Variants in ADH5 observed in about 807,000 individuals in gnomAD.
The protein encoded by ADH5 is alcohol dehydrogenase class-3.
A neutral mutation model predicts 40.3 loss-of-function variants in ADH5; 32 were observed. The ratio of observed to expected loss-of-function variants is 0.79; its 90% confidence interval spans 0.60 to 1.07. The LOEUF (loss-of-function observed/expected upper bound fraction) is 1.07, where lower values mean the gene tolerates loss of function less well. Ranked by LOEUF, ADH5 falls within the 50% of genes least tolerant of loss-of-function variation. The pLI, the probability that ADH5 is intolerant of heterozygous loss-of-function variation, is 0.00. For synonymous variants in ADH5, 125 were observed against 154.3 expected (o/e 0.81, Z 1.41); for missense variants, 353 against 460.5 (o/e 0.77, Z 2.14).
chr4:99,076,497 A>T lies in ADH5; in HGVS notation c.620T>A (p.Val207Asp). ...ACCAGCCACTTTACAGCCCATGATA[A>T]CTGCCAATCCGACTCCTCCCAGACC... Reference protein sequence around the residue: ...VFGLGGVGLAVIMGCKVAGAS... With the variant: ...VFGLGGVGLADIMGCKVAGAS... Residue 207 changes from valine to aspartate, a missense_variant, in exon 6 of 9, where the codon GTT becomes GAT. Coordinates refer to ENST00000296412, the MANE Select transcript of ADH5 (RefSeq NM_000671.4). 2 of 1,614,182 alleles carry T rather than the reference A, an allele frequency of 1.2e-6. No homozygotes were observed. The highest frequency in any genetic ancestry group is 1.7e-6 in the Non-Finnish European group (2 of 1,180,000).
At chr4:99,077,585 C>T (rs13118409) in intron 4 of ADH5, among the ~76,000 whole-genome samples, 1 of 152,120 alleles carries the variant, frequency 6.6e-6, no homozygotes, top group Admixed American at 6.5e-5. Context: ...GTAGAGATTA[C>T]AAACCATTAA....
Position 99,076,391 on chromosome 4 carries a change from G to T in ADH5, c.726C>A (p.Asn242Lys), listed in dbSNP as rs765232869. ...AKEFGATECINPQDFSKPIQE... is the reference protein window; with the variant it reads ...AKEFGATECIKPQDFSKPIQE... ...GGATGGGTTTACTAAAATCCTGAGG[G>T]TTAATACATTCAGTGGCTCCAAACT... The change falls in exon 6 of 9, where the codon AAC (asparagine) becomes AAA (lysine). Residue 242 changes from asparagine to lysine, a missense_variant. Asn to Lys is a moderately conservative substitution (Grantham distance 94, BLOSUM62 0). Transcript: ENST00000296412. The T allele has an allele frequency of 6.2e-7, 1 of 1,614,126 alleles. No homozygotes were observed. Among genetic ancestry groups the T allele is most frequent in the South Asian group, 1.1e-5 (1 of 91,078 alleles).
At chr4:99,085,477 C>T (rs1053806194) in intron 1 of ADH5, 6 of 347,426 alleles carry the variant, frequency 1.7e-5, no homozygotes, top group Admixed American at 9.3e-5. Flanking sequence ...TAATGGCCTT[C>T]TACAGTGCAT....
intron 7 of ADH5, among the ~76,000 whole-genome samples, chr4:99,073,276 T>G (rs770864714): frequency 8.5e-5 from 13 of 152,344 alleles, no homozygotes; most frequent in Non-Finnish European, 1.8e-4. Flanking sequence ...CCTCCCAGGT[T>G]CACGCCATTC....
Position 99,072,729 on chromosome 4 carries a change from T to A in ADH5, c.962-18A>T. 2.5e-6 allele frequency: 4 copies of A among 1,594,280 alleles called. No individual in the cohort carries two copies. Among genetic ancestry groups the A allele is most frequent in the Non-Finnish European group, 3.4e-6 (4 of 1,173,290 alleles). On this transcript the variant is annotated intron_variant, in intron 7 of 8. Coordinates refer to ENST00000296412, the MANE Select transcript of ADH5 (RefSeq NM_000671.4). Reference sequence around the variant, plus strand: ...CTTCCATCCTAAAAGAAATCACACATTAATTTATTCAACAAATTTCTGCAG... The same window carrying A: ...CTTCCATCCTAAAAGAAATCACACAATAATTTATTCAACAAATTTCTGCAG...
At chr4:99,085,976 G>A (rs770163215) in intron 1 of ADH5, among the ~76,000 whole-genome samples, 6 of 152,164 alleles carry the variant, frequency 3.9e-5, no homozygotes, top group Non-Finnish European at 7.3e-5. Context: ...GGTGGAGGTT[G>A]CAGTGAGCCG....
intron 4 of ADH5, among the ~76,000 whole-genome samples, chr4:99,078,381 AAAG>A (rs1397669945): frequency 2.4e-4 from 37 of 152,210 alleles, no homozygotes; most frequent in African/African-American, 4.8e-5. Flanking sequence ...GACCAGAAAC[AAAG>A]AAGAGGTGAC....
chr4:99,075,229 T>TG, intron 6 of ADH5, 180 bp from the exon 7 acceptor site: 5 of 411,354 alleles, frequency 1.2e-5, no homozygotes, highest in Non-Finnish European at 1.2e-5. Flanking sequence ...TTTGTTGTTT[T>TG]TTTTTTTTTT....
Position 99,088,731 on chromosome 4 carries a change from G to A in ADH5, c.-31C>T, listed in dbSNP as rs1198665101. On this transcript the variant is annotated 5_prime_UTR_variant, in exon 1 of 9. Coordinates refer to ENST00000296412, the MANE Select transcript of ADH5 (RefSeq NM_000671.4). ...CGGATTCTGGTCGGCGCGGGGGGCT[G>A]ACATCCGGGGTGGGCCGCGCAGCGA... The A allele has an allele frequency of 5.1e-6, 8 of 1,554,504 alleles. No homozygotes were observed. The Admixed American group carries it at 5.2e-5, about 10-fold the overall frequency.
In ADH5 at chr4:99,071,257, C is replaced by G. The variant is rs1264183947; in HGVS notation, c.*1160G>C. ...AGTCATAATAAAACACCATTCCATA[C>G]TCATGTAATTCACAAAAACTCACAT... On this transcript the variant is annotated 3_prime_UTR_variant, in exon 9 of 9. Coordinates refer to ENST00000296412, the MANE Select transcript of ADH5 (RefSeq NM_000671.4). 6.6e-6 allele frequency: 1 copy of G among 152,216 alleles called. No individual in the cohort carries two copies. The highest frequency in any genetic ancestry group is 2.4e-5 in the African/African-American group (1 of 41,436). 9.4% of individuals were successfully genotyped at this position (152,216 alleles called of 1,614,324 possible).
At chr4:99,074,829 TA>T (rs981698974) in intron 7 of ADH5, 84 bp downstream of exon 7, 76 of 1,419,750 alleles carry the variant, frequency 5.4e-5, no homozygotes, top group South Asian at 2.1e-4. Flanking sequence ...CTTGTTAATA[TA>T]AAAAAAATTA....
chr4:99,081,820 AAT>A, intron 3 of ADH5, 153 bp downstream of exon 3: 1 of 798,406 alleles, frequency 1.3e-6, no homozygotes, highest in East Asian at 2.8e-5. Flanking sequence ...AAAATATCCA[AAT>A]ATTTGTGCTT....
At chr4:99,073,515 T>A (rs1297370794) in intron 7 of ADH5, among the ~76,000 whole-genome samples, 4 of 152,348 alleles carry the variant, frequency 2.6e-5, no homozygotes, top group Non-Finnish European at 5.9e-5. Context: ...GTACTTCAAT[T>A]TCTCACTGTA....
chr4:99,086,800 G>A (rs28730569), intron 1 of ADH5, among the ~76,000 whole-genome samples: 1 of 145,518 alleles, frequency 6.9e-6, no homozygotes, highest in Admixed American at 6.7e-5. Context: ...ATTAGCCAGG[G>A]GAGGTGGCAG....
chr4:99,079,992 C>G (rs1285661280), intron 4 of ADH5: 2 of 455,416 alleles, frequency 4.4e-6, no homozygotes, highest in East Asian at 7.0e-5. Flanking sequence ...TCTCTTTTAT[C>G]TGTAAGAAAA....
intron 1 of ADH5, among the ~76,000 whole-genome samples, chr4:99,085,905 C>T (rs1308673769): frequency 2.0e-5 from 3 of 152,030 alleles, no homozygotes; most frequent in Non-Finnish European, 4.4e-5. Flanking sequence ...CATGGTGGTG[C>T]GCATCTGTGT....
chr4:99,086,939 CAAAAAAAAAAAAAA>C (rs58359709), intron 1 of ADH5, among the ~76,000 whole-genome samples: 2 of 64,270 alleles, frequency 3.1e-5, no homozygotes, highest in Non-Finnish European at 5.3e-5. Context: ...GACTGCGTCT[CAAAAAAAAAAAAAA>C]AAAAAAAAAA....
In ADH5 at chr4:99,074,935, A is replaced by C; in HGVS notation, c.940T>G (p.Trp314Gly). The change falls in exon 7 of 9, where the codon TGG (tryptophan) becomes GGG (glycine). Residue 314 changes from tryptophan (W) to glycine (G), a missense_variant. By Grantham distance (184) the Trp-to-Gly change is radical. Transcript: ENST00000296412. ...TTACCTCCAAAGGCAGTGCCTTTCC[A>C]TGTGCGACCTGTTACCAGCTGGAAT... ...RPFQLVTGRT[W>G]KGTAFGGWKS... The C allele has an allele frequency of 6.2e-7, 1 of 1,612,572 alleles. No individual in the cohort carries two copies. The highest frequency in any genetic ancestry group is 8.5e-7 in the Non-Finnish European group (1 of 1,179,008).
chr4:99,083,602 A>C (rs1728071187), intron 2 of ADH5, among the ~76,000 whole-genome samples: 1 of 18,464 alleles, frequency 5.4e-5, no homozygotes. Flanking sequence ...TCTGTCTCCA[A>C]AAAAAAAAAA....
Sources: gnomAD v4.1 joint callset for allele counts (sites outside exome capture counted in the v4.1 genomes callset) on GRCh38, gnomAD v4.1.1 for gene constraint, MANE v1.5 for transcripts, NCBI Gene and HGNC (gene_info 2026-07-23, HGNC 2026-07-21) for gene names.